The following LHFPL2 variants were observed in gnomAD, a reference collection of about 807,000 sequenced individuals.
LHFPL2 encodes LHFPL tetraspan subfamily member 2 protein.
A neutral mutation model predicts 17.5 loss-of-function variants in LHFPL2; 7 were observed. The observed-to-expected ratio is 0.40, with a 90% CI of 0.23 to 0.75. The LOEUF is 0.75. Among genes scored for constraint, LHFPL2 ranks in the 30% least tolerant of loss-of-function variants. LHFPL2 has a pLI of 0.37. For synonymous variants in LHFPL2, 134 were observed against 116.2 expected (o/e 1.15, Z -0.99); for missense variants, 241 against 294.8 (o/e 0.82, Z 1.34).
chr5:78,502,435 A>G (rs1754802026), intron 4 of LHFPL2, among the ~76,000 whole-genome samples: 1 of 152,244 alleles, frequency 6.6e-6, no homozygotes, highest in African/African-American at 2.4e-5. Context: ...ATCTCAACAG[A>G]CTAACCTAGC....
At chr5:78,522,412 G>T (rs547465158) in intron 3 of LHFPL2, among the ~76,000 whole-genome samples, 2 of 152,248 alleles carry the variant, frequency 1.3e-5, no homozygotes, top group East Asian at 3.9e-4. Flanking sequence ...GCTTCAGCCT[G>T]GGTGACAGAG....
chr5:78,547,930 T>C (rs1042890824), intron 3 of LHFPL2, among the ~76,000 whole-genome samples: 1 of 152,210 alleles, frequency 6.6e-6, no homozygotes, highest in Non-Finnish European at 1.5e-5. Context: ...AAGAAAATAT[T>C]TCCTCCTCAG....
intron 2 of LHFPL2, 23 bp from the exon 3 acceptor site, chr5:78,564,894 G>C (rs1422183641): frequency 1.3e-5 from 2 of 152,154 alleles, no homozygotes; most frequent in African/African-American, 4.8e-5. Context: ...ATTGAACAAA[G>C]AGTTAGATTT....
At chr5:78,499,671 C>G (rs1271227883) in intron 4 of LHFPL2, among the ~76,000 whole-genome samples, 1 of 152,188 alleles carries the variant, frequency 6.6e-6, no homozygotes, top group Non-Finnish European at 1.5e-5. Flanking sequence ...GAACTGTTAT[C>G]AAGTGAGAAA....
At chr5:78,516,075 T>C (rs1405364090) in intron 3 of LHFPL2, among the ~76,000 whole-genome samples, 2 of 152,150 alleles carry the variant, frequency 1.3e-5, no homozygotes, top group Non-Finnish European at 1.5e-5. Flanking sequence ...ACTGGAAGGA[T>C]AGTGTTGGCA....
chr5:78,582,024 T>G (rs1743165504), intron 2 of LHFPL2, among the ~76,000 whole-genome samples: 2 of 152,190 alleles, frequency 1.3e-5, no homozygotes, highest in Admixed American at 1.3e-4. Context: ...CTTGGGAGAG[T>G]GTATGTGTCA....
At chr5:78,528,529 C>T (rs1287894057) in intron 3 of LHFPL2, among the ~76,000 whole-genome samples, 2 of 152,214 alleles carry the variant, frequency 1.3e-5, no homozygotes, top group African/African-American at 4.8e-5. Context: ...TTCCACGAAA[C>T]AGGTCCCTGG....
At position 78,593,921 on chromosome 5, in the gene LHFPL2, T is replaced by C. The variant is rs142566886; in HGVS notation, c.-244-29050A>G. Among the ~76,000 whole-genome samples, 293 of 152,316 alleles carry C rather than the reference T, an allele frequency of 1.9e-3. 1 individual carries two copies. The highest frequency in any genetic ancestry group is 6.6e-3 in the African/African-American group (273 of 41,562). ...CAAGAAGGAGGGGGGATGGAGAGGA[T>C]ATCTCATTCCTATTCGTCTTCAAGG... On this transcript the variant is annotated intron_variant, in intron 2 of 4. Transcript: ENST00000380345.
intron 1 of LHFPL2, chr5:78,644,535 G>T: frequency 1.8e-6 from 1 of 564,580 alleles, no homozygotes; most frequent in South Asian, 2.2e-5. Context: ...ACTCAGAATA[G>T]AACAAGAAAA....
chr5:78,525,217 G>A (rs1755582422), intron 3 of LHFPL2, among the ~76,000 whole-genome samples: 1 of 152,252 alleles, frequency 6.6e-6, no homozygotes, highest in African/African-American at 2.4e-5. Flanking sequence ...GGACTGAGAT[G>A]AGCGTCAAAT....
intron 3 of LHFPL2, among the ~76,000 whole-genome samples, chr5:78,549,918 C>G (rs1756392262): frequency 6.6e-6 from 1 of 152,158 alleles, no homozygotes; most frequent in Non-Finnish European, 1.5e-5. Context: ...AACTTCCACT[C>G]AAAATCATCT....
At chr5:78,525,666 T>A (rs1168056242) in intron 3 of LHFPL2, among the ~76,000 whole-genome samples, 1 of 152,048 alleles carries the variant, frequency 6.6e-6, no homozygotes, top group African/African-American at 2.4e-5. Context: ...AGAGATGAAA[T>A]GCGAAAACGG....
chr5:78,638,189 C>T (rs1013320131), intron 1 of LHFPL2, among the ~76,000 whole-genome samples: 3 of 152,046 alleles, frequency 2.0e-5, no homozygotes, highest in African/African-American at 7.2e-5. Flanking sequence ...CCCACCTCTA[C>T]TAAAAATACA....
At position 78,644,758 on chromosome 5, in the gene LHFPL2, GCTT is replaced by G. The variant is rs1745805293; in HGVS notation, c.-350+3738_-350+3740del. 3.8e-5 allele frequency: 9 copies of G among 234,646 alleles called. 1 individual carries two copies. The South Asian group carries it at 4.2e-4, about 11-fold the overall frequency. 14.5% of individuals were successfully genotyped at this position (234,646 alleles called of 1,614,324 possible). ...TGAGGAGCTGACTGAGCATCTGGGT[GCTT>G]CTTCTTGTGCTCCTCCCAACAAGTG... On this transcript the variant is annotated intron_variant, in intron 1 of 4. Coordinates refer to ENST00000380345, the MANE Select transcript of LHFPL2 (RefSeq NM_005779.3).
intron 3 of LHFPL2, among the ~76,000 whole-genome samples, chr5:78,547,677 T>A (rs536345232): frequency 5.9e-5 from 9 of 151,948 alleles, no homozygotes; most frequent in Admixed American, 5.9e-4. Context: ...AAAAAAAAAA[T>A]TGAGAAATTC....
At chr5:78,598,145 G>A (rs1743890051) in intron 2 of LHFPL2, among the ~76,000 whole-genome samples, 1 of 152,230 alleles carries the variant, frequency 6.6e-6, no homozygotes, top group Non-Finnish European at 1.5e-5. Flanking sequence ...AAACTCACAG[G>A]AGCATGAAGG....
intron 2 of LHFPL2, among the ~76,000 whole-genome samples, chr5:78,610,876 G>A (rs1744401431): frequency 1.3e-5 from 2 of 151,274 alleles, no homozygotes; most frequent in African/African-American, 4.9e-5. Flanking sequence ...CACATATCAT[G>A]TGGCAAAGAG....
At chr5:78,608,682 C>T (rs1030683329) in intron 2 of LHFPL2, among the ~76,000 whole-genome samples, 1 of 151,962 alleles carries the variant, frequency 6.6e-6, no homozygotes, top group Admixed American at 6.5e-5. Context: ...CCTGTAATCC[C>T]AGCACTTTGG....
At chr5:78,492,247 C>G (rs1406539311) in intron 4 of LHFPL2, among the ~76,000 whole-genome samples, 1 of 152,232 alleles carries the variant, frequency 6.6e-6, no homozygotes, top group Non-Finnish European at 1.5e-5. Flanking sequence ...GCATTAGCTG[C>G]TCTTCCCTTT....
Sources: allele counts gnomAD v4.1 joint callset (sites outside exome capture counted in the v4.1 genomes callset), GRCh38; gene constraint gnomAD v4.1.1; transcripts MANE v1.5; gene names NCBI Gene and HGNC (gene_info 2026-07-23, HGNC 2026-07-21).